The following TMEM41B variants were observed in gnomAD, a reference collection of about 807,000 sequenced individuals.
TMEM41B encodes the protein protein stasimon.
TMEM41B carries 18 observed loss-of-function variants against 31.9 expected under a neutral mutation model. The ratio of observed to expected loss-of-function variants is 0.56; its 90% CI spans 0.39 to 0.84. The LOEUF (loss-of-function observed/expected upper bound fraction) is 0.84, where lower values mean the gene tolerates loss of function less well. TMEM41B is among the 40% of genes least tolerant of loss of function. The probability of loss-of-function intolerance (pLI) is 0.00; values close to 1 mark genes in which losing one functional copy is unlikely to be tolerated. For synonymous variants in TMEM41B, 144 were observed against 124.3 expected, an observed-to-expected ratio of 1.16 and a Z score of -1.05; for missense variants, 322 against 348.0, an observed-to-expected ratio of 0.93 and a Z score of 0.59.
intron 1 of TMEM41B, among the ~76,000 whole-genome samples, chr11:9,307,871 A>G (rs1005096378): frequency 4.6e-5 from 7 of 151,870 alleles, no homozygotes; most frequent in Non-Finnish European, 1.0e-4. Context: ...TCAGCCTCCC[A>G]AGTAGCTGGG....
intron 3 of TMEM41B, 51 bp from the exon 4 acceptor site, chr11:9,288,586 A>G: frequency 7.7e-7 from 1 of 1,298,502 alleles, no homozygotes. Context: ...GAATTTTAAA[A>G]GACAAATGTA....
rs1484168759 is a variant in TMEM41B at position 9,314,316 on chromosome 11, C to G, written c.121+5G>C. On this transcript the variant is annotated splice_donor_5th_base_variant and intron_variant, in intron 1 of 6. Coordinates refer to ENST00000528080, the MANE Select transcript of TMEM41B (RefSeq NM_015012.4). ...CCCCCAGCTCTGCTCCCCGGGCCCA[C>G]TCACCCTTCTGGTGGTCTCTGCTGC... 5 of 1,598,212 alleles carry G rather than the reference C, an allele frequency of 3.1e-6. No individual in the cohort carries two copies. The South Asian group carries it at 4.4e-5, about 14-fold the overall frequency.
At chr11:9,303,371 C>T (rs529904496) in intron 1 of TMEM41B, among the ~76,000 whole-genome samples, 1 of 152,050 alleles carries the variant, frequency 6.6e-6, no homozygotes, top group Non-Finnish European at 1.5e-5. Context: ...AACTCCTGAC[C>T]TCAGGTGATC....
At chr11:9,296,451 C>G (rs576158456) in intron 2 of TMEM41B, among the ~76,000 whole-genome samples, 91 of 151,586 alleles carry the variant, frequency 6.0e-4, no homozygotes, top group African/African-American at 2.1e-3. Flanking sequence ...CGTGTTGAAA[C>G]CCCGTCTCTA....
chr11:9,311,523 G>C (rs897051211), intron 1 of TMEM41B: 4 of 1,357,676 alleles, frequency 2.9e-6, no homozygotes, highest in African/African-American at 1.4e-5. Context: ...GGGCCAACCT[G>C]GGGGGAAAGC....
chr11:9,289,987 C>A (rs1197872131), intron 3 of TMEM41B, among the ~76,000 whole-genome samples: 5 of 152,148 alleles, frequency 3.3e-5, no homozygotes, highest in Admixed American at 6.6e-5. Context: ...CTCTTTGGTT[C>A]ATCAGCCTCA....
chr11:9,304,828 T>C (rs1853344555), intron 1 of TMEM41B, among the ~76,000 whole-genome samples: 1 of 152,116 alleles, frequency 6.6e-6, no homozygotes, highest in South Asian at 2.1e-4. Flanking sequence ...CAGATAATTT[T>C]TGTATTTTTA....
At chr11:9,295,469 C>T in intron 2 of TMEM41B, 82 bp from the exon 3 acceptor site, 1 of 768,652 alleles carries the variant, frequency 1.3e-6, no homozygotes, top group East Asian at 2.6e-5. Flanking sequence ...GAAGTTTTAT[C>T]CAAAATGATT....
intron 1 of TMEM41B, among the ~76,000 whole-genome samples, chr11:9,309,193 C>T (rs1250928149): frequency 6.6e-6 from 1 of 151,870 alleles, no homozygotes; most frequent in African/African-American, 2.4e-5. Context: ...TTGTGGTGAG[C>T]CAAGATCGCA....
intron 2 of TMEM41B, among the ~76,000 whole-genome samples, chr11:9,299,321 T>TACACACACACACACACACACAC (rs1303303364): frequency 3.8e-4 from 4 of 10,512 alleles, no homozygotes; most frequent in East Asian, 8.2e-3. Context: ...TATATATACA[T>TACACACACACACACACACACAC]ACATACACAC....
chr11:9,290,829 A>G (rs1323507985), intron 3 of TMEM41B, among the ~76,000 whole-genome samples: 1 of 152,180 alleles, frequency 6.6e-6, no homozygotes, highest in Non-Finnish European at 1.5e-5. Flanking sequence ...CTATATTAAC[A>G]TATTTCAGGC....
At chr11:9,296,759 C>T (rs1203301109) in intron 2 of TMEM41B, among the ~76,000 whole-genome samples, 1 of 152,060 alleles carries the variant, frequency 6.6e-6, no homozygotes, top group Non-Finnish European at 1.5e-5. Context: ...ACAGTTCAAA[C>T]ATTTTCTTGA....
At chr11:9,309,780 G>A (rs1354287195) in intron 1 of TMEM41B, among the ~76,000 whole-genome samples, 1 of 151,162 alleles carries the variant, frequency 6.6e-6, no homozygotes, top group Non-Finnish European at 1.5e-5. Flanking sequence ...AAATTAGCCA[G>A]GCGTGGTGGT....
At chr11:9,309,445 C>T (rs1853496548) in intron 1 of TMEM41B, among the ~76,000 whole-genome samples, 1 of 151,294 alleles carries the variant, frequency 6.6e-6, no homozygotes, top group East Asian at 1.9e-4. Context: ...CTGACATCAG[C>T]AAACCATACT....
intron 3 of TMEM41B, among the ~76,000 whole-genome samples, chr11:9,289,523 A>G (rs1335154883): frequency 6.6e-6 from 1 of 151,380 alleles, no homozygotes; most frequent in Non-Finnish European, 1.5e-5. Flanking sequence ...GGGTTTTTTC[A>G]CCTTCAACTC....
intron 3 of TMEM41B, among the ~76,000 whole-genome samples, chr11:9,290,232 C>T (rs985607783): frequency 3.3e-5 from 5 of 152,036 alleles, no homozygotes; most frequent in African/African-American, 1.2e-4. Flanking sequence ...AAAAAACTAG[C>T]CGGGCGTGGT....
At chr11:9,291,732 G>A (rs996641347) in intron 3 of TMEM41B, among the ~76,000 whole-genome samples, 1 of 143,764 alleles carries the variant, frequency 7.0e-6, no homozygotes, top group Non-Finnish European at 1.5e-5. Context: ...TTTTGTGGTA[G>A]GAGTCTCGCT....
intron 1 of TMEM41B, among the ~76,000 whole-genome samples, chr11:9,305,390 A>C (rs1853364268): frequency 6.6e-6 from 1 of 152,120 alleles, no homozygotes; most frequent in Non-Finnish European, 1.5e-5. Context: ...CCTGAGGTCA[A>C]GGGTTCGAGA....
At position 9,312,581 on chromosome 11, in the gene TMEM41B, T is replaced by C. The variant is rs531609974; in HGVS notation, c.121+1740A>G. Among the ~76,000 whole-genome samples the C allele has an allele frequency of 3.3e-5, 5 of 152,234 alleles. No homozygotes were observed. The South Asian group carries it at 6.2e-4, about 19-fold the overall frequency. ...TCTTCCCTGTCTTCCTATAGATTTG[T>C]GATCTATAGATGTCATGGGACAGCA... On this transcript the variant is annotated intron_variant, in intron 1 of 6. Coordinates refer to ENST00000528080, the MANE Select transcript of TMEM41B (RefSeq NM_015012.4).
Sources: gnomAD v4.1 joint callset for allele counts (sites outside exome capture counted in the v4.1 genomes callset) on GRCh38, gnomAD v4.1.1 for gene constraint, MANE v1.5 for transcripts, NCBI Gene and HGNC (gene_info 2026-07-23, HGNC 2026-07-21) for gene names.